Variants in DLGAP4 observed in about 807,000 individuals in gnomAD.
DLGAP4 encodes disks large-associated protein 4.
In DLGAP4, 18 loss-of-function variants were observed where a neutral mutation model predicts 86.9. That is an observed-to-expected ratio of 0.21 (90% CI 0.14 to 0.31). DLGAP4 has a LOEUF of 0.31. Among genes scored for constraint, DLGAP4 ranks in the 10% least tolerant of loss-of-function variants. DLGAP4 has a pLI of 1.00. For synonymous variants in DLGAP4, 548 were observed against 574.3 expected, an observed-to-expected ratio of 0.95 and a Z score of 0.65; for missense variants, 1,085 against 1,362.6, an observed-to-expected ratio of 0.80 and a Z score of 3.21.
chr20:36,379,961 C>T (rs2031310911), intron 2 of DLGAP4, among the ~76,000 whole-genome samples: 1 of 152,128 alleles, frequency 6.6e-6, no homozygotes, highest in African/African-American at 2.4e-5. Context: ...GTGGGAGAAT[C>T]GCTTGAGGTC....
At position 36,527,102 on chromosome 20, in the gene DLGAP4, T is replaced by C. The variant is rs2037819133; in HGVS notation, c.*71T>C. 4.2e-6 allele frequency: 6 copies of C among 1,437,990 alleles called. No homozygotes were observed. Among genetic ancestry groups the C allele is most frequent in the African/African-American group, 1.4e-5 (1 of 69,938 alleles). The allele number at this position is 1,437,990 out of a possible 1,614,324, so 89.1% of individuals were successfully genotyped here. On this transcript the variant is annotated 3_prime_UTR_variant, in exon 13 of 13. Coordinates refer to ENST00000339266, the MANE Select transcript of DLGAP4 (RefSeq NM_001365621.2). Reference sequence around the variant, plus strand: ...AAAACTAAGTGCGAACGGAACAGAGTTTTCTCAACCTTTGCTATGGTTATT... The same window carrying C: ...AAAACTAAGTGCGAACGGAACAGAGCTTTCTCAACCTTTGCTATGGTTATT...
rs1370671077 is a variant in DLGAP4 at position 36,350,492 on chromosome 20, T to C, written c.-303-16553T>C. Among the ~76,000 whole-genome samples the C allele has an allele frequency of 5.3e-5, 8 of 152,194 alleles. No individual in the cohort carries two copies. The highest frequency in any genetic ancestry group is 1.7e-4 in the African/African-American group (7 of 41,444). On this transcript the variant is annotated intron_variant, in intron 1 of 12. Transcript: ENST00000339266. This position sits in a 1 kb window ranked among gnomAD's most constrained non-coding sequence, Gnocchi z 4.4. Reference sequence around the variant, plus strand: ...TTCAATATCTCAATTTGCAGGTGCTTAATGAAAATGCATGCCTCACTTCCC... The same window carrying C: ...TTCAATATCTCAATTTGCAGGTGCTCAATGAAAATGCATGCCTCACTTCCC...
Position 36,432,310 on chromosome 20 carries a change from G to A in DLGAP4, c.593G>A (p.Arg198His), listed in dbSNP as rs757821787. The change falls in exon 3 of 13, where the codon CGC (arginine) becomes CAC (histidine). Residue 198 changes from arginine (R) to histidine (H), a missense_variant. This residue lies in a region of DLGAP4 where 1,082 missense variants were observed against 1,344.1 expected (regional missense o/e 0.81). Coordinates refer to ENST00000339266, the MANE Select transcript of DLGAP4 (RefSeq NM_001365621.2). The surrounding 1 kb of genome is among the most constrained non-coding windows in gnomAD (Gnocchi z 6.5). ...GCTGGGGAGCCCAAACGGCGCAGCC[G>A]CTCCAACATCTCAGGCTGGTGGAGC... ...AKAGEPKRRS[R>H]SNISGWWSSD... 6 of 1,613,722 alleles carry A rather than the reference G, an allele frequency of 3.7e-6. No individual in the cohort carries two copies. The highest frequency in any genetic ancestry group is 1.7e-5 in the Admixed American group (1 of 60,020).
At chr20:36,316,676 G>A (rs969343591) in intron 1 of DLGAP4, among the ~76,000 whole-genome samples, 1 of 152,164 alleles carries the variant, frequency 6.6e-6, no homozygotes, top group African/African-American at 2.4e-5. Flanking sequence ...GAGAACAGGT[G>A]GGGGTGGAAA....
In DLGAP4 at chr20:36,439,856, C is replaced by T; in HGVS notation, c.1344C>T (p.Ser448=). The change falls in exon 5 of 13, where the codon AGC becomes AGT. Residue 448 remains serine, a synonymous_variant. Coordinates refer to ENST00000339266, the MANE Select transcript of DLGAP4 (RefSeq NM_001365621.2). ...TCAGCGACAGCCTCAACGACTCCAG[C>T]TGCATCAGCCAGGTGAGGGTGGCAG... ...TPVSDSLNDS[S]CISQIFGQAS... The T allele has an allele frequency of 6.2e-7, 1 of 1,613,304 alleles. No homozygotes were observed. The highest frequency in any genetic ancestry group is 8.5e-7 in the Non-Finnish European group (1 of 1,179,900).
chr20:36,347,256 CT>C (rs1555893105), intron 1 of DLGAP4, among the ~76,000 whole-genome samples: 1 of 152,150 alleles, frequency 6.6e-6, no homozygotes, highest in Admixed American at 6.5e-5. Context: ...CCCCCTATGT[CT>C]ATGGACTTGA....
chr20:36,377,647 G>T (rs1036316843), intron 2 of DLGAP4, among the ~76,000 whole-genome samples: 1 of 152,074 alleles, frequency 6.6e-6, no homozygotes, highest in Non-Finnish European at 1.5e-5. Flanking sequence ...CATTGCCACC[G>T]TCTCTGTCTC....
At chr20:36,338,150 G>A (rs1275940603) in intron 1 of DLGAP4, among the ~76,000 whole-genome samples, 10 of 152,202 alleles carry the variant, frequency 6.6e-5, no homozygotes, top group Admixed American at 6.5e-4. Context: ...TGTGTGTGAC[G>A]CCCTGGACAC....
At chr20:36,463,768 T>C (rs1600573429) in intron 7 of DLGAP4, among the ~76,000 whole-genome samples, 2 of 151,920 alleles carry the variant, frequency 1.3e-5, no homozygotes, top group East Asian at 1.9e-4. Context: ...CCCTGTAGAG[T>C]AGGGGAACAA....
At chr20:36,488,540 A>G (rs1489895896) in intron 7 of DLGAP4, among the ~76,000 whole-genome samples, 1 of 151,876 alleles carries the variant, frequency 6.6e-6, no homozygotes, top group Non-Finnish European at 1.5e-5. Context: ...CAACCAACCA[A>G]TCAATCCATA....
intron 2 of DLGAP4, among the ~76,000 whole-genome samples, chr20:36,391,491 C>A (rs2031782752): frequency 6.6e-6 from 1 of 151,882 alleles, no homozygotes; most frequent in African/African-American, 2.4e-5. Context: ...CATCACAGTC[C>A]CACCTGTCAC....
intron 7 of DLGAP4, among the ~76,000 whole-genome samples, chr20:36,487,853 G>A (rs6097317): frequency 0.023 from 3,438 of 152,188 alleles, 152 homozygotes; most frequent in African/African-American, 0.078. Context: ...GCTCCTACCC[G>A]GAGCACATTG....
chr20:36,460,407 G>A (rs2033993620), intron 7 of DLGAP4, among the ~76,000 whole-genome samples: 1 of 152,230 alleles, frequency 6.6e-6, no homozygotes, highest in Non-Finnish European at 1.5e-5. Context: ...CAAAACGGTT[G>A]GCTAACCCTC....
At chr20:36,509,618 T>A (rs948312125) in intron 10 of DLGAP4, among the ~76,000 whole-genome samples, 3 of 151,966 alleles carry the variant, frequency 2.0e-5, no homozygotes, top group Non-Finnish European at 4.4e-5. Context: ...AGCATTGTGG[T>A]GTACACCTGT....
Position 36,409,430 on chromosome 20 carries a change from T to A in DLGAP4, c.-72-22216T>A, listed in dbSNP as rs1164576374. Among the ~76,000 whole-genome samples, 13 of 119,018 alleles carry A rather than the reference T, an allele frequency of 1.1e-4. No homozygotes were observed. In the South Asian group the frequency reaches 2.1e-3, roughly 19 times the overall value. 78.1% of individuals were successfully genotyped at this position (119,018 alleles called of 152,430 possible). A position where few individuals can be genotyped will look rare whatever the true frequency, so the allele number is the denominator to read the frequency against. On this transcript the variant is annotated intron_variant, in intron 2 of 12. Transcript: ENST00000339266. ...TTTTTAACTCTTTTTTTTTTTTTTT[T>A]AACTCTAAAGAAACATAGGCTGTGT... is the stretch of plus-strand genomic sequence containing the variant.
chr20:36,512,877 A>G (rs2036789749), intron 10 of DLGAP4, among the ~76,000 whole-genome samples: 1 of 125,792 alleles, frequency 7.9e-6, no homozygotes, highest in Non-Finnish European at 1.6e-5. Flanking sequence ...GAGGAGAGGG[A>G]TGGGAGATGA....
chr20:36,478,803 A>C (rs2035057485), intron 7 of DLGAP4, among the ~76,000 whole-genome samples: 1 of 152,202 alleles, frequency 6.6e-6, no homozygotes, highest in Non-Finnish European at 1.5e-5. Context: ...TGTGATCCCG[A>C]ACAGAGCCTT....
chr20:36,401,798 A>T (rs960537925), intron 2 of DLGAP4, among the ~76,000 whole-genome samples: 27 of 152,208 alleles, frequency 1.8e-4, no homozygotes, highest in African/African-American at 5.8e-4. Context: ...GGGAGCACCC[A>T]CTGTAGACTG....
intron 1 of DLGAP4, among the ~76,000 whole-genome samples, chr20:36,365,090 G>A (rs2030637857): frequency 6.6e-6 from 1 of 152,126 alleles, no homozygotes; most frequent in Non-Finnish European, 1.5e-5. Context: ...GTAACACTCT[G>A]TCTCAAAAAA....
Sources: gnomAD v4.1 joint callset for allele counts (sites outside exome capture counted in the v4.1 genomes callset) on GRCh38, gnomAD v4.1.1 for gene constraint, gnomAD v4.1.1 regional missense constraint, Gnocchi (gnomAD v3.1) non-coding constraint, MANE v1.5 for transcripts, NCBI Gene and HGNC (gene_info 2026-07-23, HGNC 2026-07-21) for gene names.